Variants in KLF15 observed in about 807,000 individuals in gnomAD.
The protein encoded by KLF15 is KLF transcription factor 15, also known as Krueppel-like factor 15.
A neutral mutation model predicts 24.6 loss-of-function variants in KLF15; 4 were observed. That is an observed-to-expected ratio of 0.16 (90% CI 0.08 to 0.37). The LOEUF (loss-of-function observed/expected upper bound fraction) is 0.37. Ranked by LOEUF, KLF15 falls within the 10% of genes least tolerant of loss-of-function variation. The pLI is 1.00. For missense variants in KLF15, 496 were observed against 560.6 expected (o/e 0.88, Z 1.16); for synonymous variants, 246 against 236.3 (o/e 1.04, Z -0.37).
chr3:126,309,897 C>T, the KLF15 span, among the ~76,000 whole-genome samples: 1 of 152,204 alleles, frequency 6.6e-6, no homozygotes, highest in African/African-American at 2.4e-5. Context: ...AGGCAGGAGC[C>T]ATTTGAGCAA....
chr3:126,337,578 A>T, the KLF15 span, among the ~76,000 whole-genome samples: 1,039 of 17,052 alleles, frequency 0.061, 9 homozygotes, highest in Middle Eastern at 0.14. Context: ...AAGTATAATT[A>T]AAAAAAAAGT....
chr3:126,347,547 C>T (rs1198927227), intron 2 of KLF15, among the ~76,000 whole-genome samples: 1 of 152,222 alleles, frequency 6.6e-6, no homozygotes, highest in Non-Finnish European at 1.5e-5. Flanking sequence ...TATTCATATT[C>T]ACTGCAGCAG....
At chr3:126,297,837 T>A in the KLF15 span, among the ~76,000 whole-genome samples, 1 of 152,244 alleles carries the variant, frequency 6.6e-6, no homozygotes, top group African/African-American at 2.4e-5. Context: ...ATTTTCTTTA[T>A]CCACTCATTG....
chr3:126,316,470 G>GGGGAAGAGGGTACACGGGCTGGAGTA, the KLF15 span, among the ~76,000 whole-genome samples: 1 of 150,402 alleles, frequency 6.6e-6, no homozygotes, highest in African/African-American at 2.4e-5. Context: ...GGGCCGGAGT[G>GGGGAAGAGGGTACACGGGCTGGAGTA]GGGAAGGGAG....
the KLF15 span, among the ~76,000 whole-genome samples, chr3:126,296,599 C>T: frequency 3.1e-3 from 472 of 152,364 alleles, 3 homozygotes; most frequent in Non-Finnish European, 5.0e-3. Flanking sequence ...GGATTAGCAC[C>T]TAGCATGTCT....
chr3:126,297,977 G>A, the KLF15 span, among the ~76,000 whole-genome samples: 1 of 152,302 alleles, frequency 6.6e-6, no homozygotes, highest in Admixed American at 6.5e-5. Flanking sequence ...TAGCAGGATT[G>A]CTGGATCAAA....
downstream of KLF15, among the ~76,000 whole-genome samples, chr3:126,341,654 A>T (rs572228553): frequency 6.6e-6 from 1 of 152,142 alleles, no homozygotes; most frequent in African/African-American, 2.4e-5. Flanking sequence ...GGCTGGTGAG[A>T]ACAACGGCCT....
chr3:126,338,607 C>T (rs916674759), downstream of KLF15, among the ~76,000 whole-genome samples: 1 of 152,228 alleles, frequency 6.6e-6, no homozygotes, highest in Non-Finnish European at 1.5e-5. Flanking sequence ...GGGGGATTTA[C>T]AGCCAGACTA....
the KLF15 span, among the ~76,000 whole-genome samples, chr3:126,311,376 G>C: frequency 6.6e-6 from 1 of 152,212 alleles, no homozygotes; most frequent in Admixed American, 6.5e-5. Flanking sequence ...TCTGGAAGCG[G>C]GTAGAAGTTG....
At chr3:126,301,657 C>G in the KLF15 span, among the ~76,000 whole-genome samples, 1 of 149,048 alleles carries the variant, frequency 6.7e-6, no homozygotes, top group Non-Finnish European at 1.5e-5. Flanking sequence ...TGTTGTCGCC[C>G]AGGCTGGAGT....
the KLF15 span, among the ~76,000 whole-genome samples, chr3:126,323,944 A>C: frequency 2.0e-5 from 3 of 151,286 alleles, no homozygotes; most frequent in Non-Finnish European, 4.4e-5. Context: ...GTATATGTGC[A>C]ACATTTTCTT....
chr3:126,316,508 G>C, the KLF15 span, among the ~76,000 whole-genome samples: 1 of 32,444 alleles, frequency 3.1e-5, no homozygotes, highest in African/African-American at 2.1e-4. Context: ...GACTGGGAGT[G>C]CATGAGCTGC....
the KLF15 span, among the ~76,000 whole-genome samples, chr3:126,290,485 T>C: frequency 6.7e-6 from 1 of 150,142 alleles, no homozygotes; most frequent in Non-Finnish European, 1.5e-5. Flanking sequence ...TGCCCCTTCC[T>C]TCCTTCCTTT....
At position 126,352,824 on chromosome 3, in the gene KLF15, G is replaced by A; in HGVS notation, c.99C>T (p.His33=). ...GDRLVGRRAY[H]MLPSPVSEDD... is the part of the protein sequence containing the mutation. The stretch of plus-strand genomic sequence containing the variant: ...CTTCAGAGACGGGTGAGGGCAGCAT[G>A]TGATATGCCCGCCGGCCAACCAGCC... Residue 33 remains histidine (H), a synonymous_variant, in exon 2 of 3, where the codon CAC becomes CAT. Coordinates refer to ENST00000296233, the MANE Select transcript of KLF15 (RefSeq NM_014079.4). 1 of 1,606,516 alleles carries A rather than the reference G, an allele frequency of 6.2e-7. No individual in the cohort carries two copies. Among genetic ancestry groups the A allele is most frequent in the Admixed American group, 1.7e-5 (1 of 59,262 alleles).
At chr3:126,341,797 A>C (rs1416621557), downstream of KLF15, among the ~76,000 whole-genome samples, 1 of 152,124 alleles carries the variant, frequency 6.6e-6, no homozygotes. Context: ...CCCGACTTGC[A>C]TCCAGTTCTT....
intron 2 of KLF15, among the ~76,000 whole-genome samples, chr3:126,350,787 C>G (rs948142285): frequency 2.0e-5 from 3 of 152,250 alleles, no homozygotes; most frequent in African/African-American, 7.2e-5. Context: ...TGGGTGTGCA[C>G]ACACACAGCC....
intron 2 of KLF15, among the ~76,000 whole-genome samples, chr3:126,347,112 G>A (rs1020278991): frequency 6.6e-6 from 1 of 152,206 alleles, no homozygotes; most frequent in Non-Finnish European, 1.5e-5. Flanking sequence ...GAGCTGTAGG[G>A]CAGAGGGTAC....
chr3:126,338,108 G>T (rs1214436682), downstream of KLF15, among the ~76,000 whole-genome samples: 1 of 152,220 alleles, frequency 6.6e-6, no homozygotes, highest in Non-Finnish European at 1.5e-5. Context: ...TGGTAGCTTT[G>T]TGCAGGGCAT....
At chr3:126,289,767 T>A in the KLF15 span, among the ~76,000 whole-genome samples, 3 of 152,230 alleles carry the variant, frequency 2.0e-5, no homozygotes, top group Non-Finnish European at 2.9e-5. Context: ...TTGAATTTCT[T>A]TCTGTAAACC....
Sources: gnomAD v4.1 joint callset for allele counts (sites outside exome capture counted in the v4.1 genomes callset) on GRCh38, gnomAD v4.1.1 for gene constraint, MANE v1.5 for transcripts, NCBI Gene and HGNC (gene_info 2026-07-23, HGNC 2026-07-21) for gene names.